Variants in NCOR2 observed in about 807,000 individuals in gnomAD.
The protein encoded by NCOR2 is CTG repeat protein 26.
In NCOR2, 81 loss-of-function variants were observed where a neutral mutation model predicts 262.9. That is an observed-to-expected ratio of 0.31 (90% confidence interval 0.26 to 0.37). NCOR2 has a LOEUF of 0.37. Ranked by LOEUF, NCOR2 falls within the 10% of genes least tolerant of loss-of-function variation. The pLI is 1.00. For synonymous variants in NCOR2, 1,659 were observed against 1,559.3 expected, an observed-to-expected ratio of 1.06 and a Z score of -1.51; for missense variants, 3,385 against 3,621.4, an observed-to-expected ratio of 0.93 and a Z score of 1.68.
At position 124,517,183 on chromosome 12, in the gene NCOR2, A is replaced by G. The variant is rs1754767649; in HGVS notation, c.-118+18382T>C. Among the ~76,000 whole-genome samples, 1 of 152,018 alleles carries G rather than the reference A, an allele frequency of 6.6e-6. No homozygotes were observed. Among genetic ancestry groups the G allele is most frequent in the South Asian group, 2.1e-4 (1 of 4,820 alleles). ...GGCAACACGCCCAAGGTCACACAGC[A>G]TAGAGAGGACGGAGCCAGGACTCAA... On this transcript the variant is annotated intron_variant, in intron 1 of 46. Coordinates refer to the NCOR2 transcript ENST00000404621. This position sits in a 1 kb window ranked among gnomAD's most constrained non-coding sequence, Gnocchi z 7.6.
At chr12:124,422,550 A>G (rs1565928556) in exon 12 of NCOR2, 3 of 1,614,002 alleles carry the variant, frequency 1.9e-6, no homozygotes, top group East Asian at 2.2e-5. Flanking sequence ...GGGATGCTGC[A>G]TGAACCTGCG....
intron 5 of NCOR2, among the ~76,000 whole-genome samples, chr12:124,463,098 T>C (rs369318957): frequency 6.6e-6 from 1 of 152,232 alleles, no homozygotes; most frequent in East Asian, 1.9e-4. Flanking sequence ...GTGTCCTGAA[T>C]TCCTACGGTA....
chr12:124,419,969 G>A (rs776300262), exon 13 of NCOR2: 13 of 1,613,788 alleles, frequency 8.1e-6, no homozygotes, highest in East Asian at 2.2e-5. Flanking sequence ...GGCTCTTGCC[G>A]CGGCGCCGAT....
At chr12:124,329,244 C>T in intron 44 of NCOR2, 3 of 437,018 alleles carry the variant, frequency 6.9e-6, no homozygotes, top group South Asian at 3.3e-5. Context: ...GGTGGATCAT[C>T]TGACGTCAGG....
intron 18 of NCOR2, among the ~76,000 whole-genome samples, chr12:124,375,265 C>T (rs570130097): frequency 2.3e-4 from 35 of 152,318 alleles, no homozygotes; most frequent in African/African-American, 7.5e-4. Flanking sequence ...GGGAGGCCAA[C>T]GCTGAGGGCC....
At chr12:124,372,252 C>T (rs764493635) in exon 20 of NCOR2, 3 of 1,589,208 alleles carry the variant, frequency 1.9e-6, no homozygotes, top group Non-Finnish European at 2.6e-6. Flanking sequence ...TGACGGGCTC[C>T]TCGGCCTTCC....
At chr12:124,502,095 G>A (rs2048771121) in intron 1 of NCOR2, among the ~76,000 whole-genome samples, 1 of 152,196 alleles carries the variant, frequency 6.6e-6, no homozygotes. Flanking sequence ...GACTCCTGGC[G>A]CAGAACGGAT....
At chr12:124,334,390 T>C (rs2035692579) in intron 41 of NCOR2, 34 bp downstream of exon 43, 1 of 1,485,956 alleles carries the variant, frequency 6.7e-7, no homozygotes. Context: ...TCCCGCCGGC[T>C]GACCAGCAAG....
At chr12:124,334,470 G>T (rs1416059180) in exon 41 of NCOR2, 2 of 1,476,992 alleles carry the variant, frequency 1.4e-6, no homozygotes, top group Non-Finnish European at 1.8e-6. Flanking sequence ...GGGGCACCAT[G>T]GTCCGGGGGC....
At chr12:124,470,529 G>C (rs887685333) in intron 4 of NCOR2, among the ~76,000 whole-genome samples, 2 of 152,216 alleles carry the variant, frequency 1.3e-5, no homozygotes, top group African/African-American at 4.8e-5. Context: ...ATGAAGGATG[G>C]AGACAAGAGA....
intron 37 of NCOR2, 90 bp from the exon 40 acceptor site, chr12:124,337,270 TC>T: frequency 7.1e-7 from 1 of 1,407,668 alleles, no homozygotes; most frequent in Non-Finnish European, 9.8e-7. Flanking sequence ...CTGGGATAAA[TC>T]CACATCCCCT....
At position 124,438,918 on chromosome 12, in the gene NCOR2, G is replaced by A. The variant is rs1593542901; in HGVS notation, c.816-922C>T. 1.0e-4 allele frequency among the ~76,000 whole-genome samples: 3 copies of A among 28,720 alleles called. No homozygotes were observed. The Admixed American group carries it at 1.1e-3, about 10-fold the overall frequency. 18.8% of individuals were successfully genotyped at this position (28,720 alleles called of 152,430 possible). ...AGAGGGAGACAGAGACCCAGAGAGA[G>A]AGAGACGGAGACCCAGAGACAGAGG... On this transcript the variant is annotated intron_variant, in intron 7 of 46. Transcript: ENST00000405201.
exon 41 of NCOR2, chr12:124,334,571 C>T (rs1374504471): frequency 1.4e-6 from 2 of 1,410,678 alleles, no homozygotes; most frequent in South Asian, 1.6e-5. Context: ...CAGGGGTGCG[C>T]TGAGCTGCTG....
At chr12:124,326,625 T>C (rs1346325815) in intron 45 of NCOR2, among the ~76,000 whole-genome samples, 1 of 152,084 alleles carries the variant, frequency 6.6e-6, no homozygotes, top group East Asian at 1.9e-4. Flanking sequence ...GTCTGCTGTT[T>C]GCAATAGCCC....
chr12:124,529,400 G>T (rs1205126588), intron 1 of NCOR2, among the ~76,000 whole-genome samples: 6 of 152,124 alleles, frequency 3.9e-5, no homozygotes, highest in Admixed American at 6.5e-5. Flanking sequence ...CTTGAACCCG[G>T]GAGGCGGAGG....
At chr12:124,327,380 CG>C (rs758333900) in intron 45 of NCOR2, 28 bp downstream of exon 47, 2 of 1,141,756 alleles carry the variant, frequency 1.8e-6, no homozygotes, top group East Asian at 4.0e-5. Flanking sequence ...TGGGGACAGA[CG>C]GGGGCGGGGC....
chr12:124,344,747 T>C (rs1218215285), exon 32 of NCOR2: 4 of 1,547,042 alleles, frequency 2.6e-6, no homozygotes, highest in South Asian at 2.4e-5. Context: ...CCGCGCGCAA[T>C]GGAGCCCCCC....
chr12:124,499,625 A>AGGGGTGAGCGAGGGCCTG (rs1338623891), upstream of NCOR2, among the ~76,000 whole-genome samples: 2 of 152,138 alleles, frequency 1.3e-5, no homozygotes, highest in Non-Finnish European at 2.9e-5. Context: ...GCACAGGCCC[A>AGGGGTGAGCGAGGGCCTG]GGGGTGAGCG....
At chr12:124,352,734 C>A (rs938376992) in intron 27 of NCOR2, among the ~76,000 whole-genome samples, 3 of 152,210 alleles carry the variant, frequency 2.0e-5, no homozygotes, top group Admixed American at 6.5e-5. Flanking sequence ...GAACAGAAAT[C>A]CAGCCGGTGG....
Sources: allele counts gnomAD v4.1 joint callset (sites outside exome capture counted in the v4.1 genomes callset), GRCh38; gene constraint gnomAD v4.1.1; non-coding constraint Gnocchi (gnomAD v3.1); transcripts MANE v1.5; gene names NCBI Gene and HGNC (gene_info 2026-07-23, HGNC 2026-07-21).